F13A1: variants seen among roughly 807,000 people sequenced by gnomAD.
F13A1 encodes the protein FSF, A subunit.
In F13A1, 47 loss-of-function variants were observed where a neutral mutation model predicts 80.1. The ratio of observed to expected loss-of-function variants is 0.59; its 90% confidence interval spans 0.46 to 0.75. The LOEUF (loss-of-function observed/expected upper bound fraction) is 0.75. Ranked by LOEUF, F13A1 falls within the 30% of genes least tolerant of loss-of-function variation. F13A1 has a pLI of 0.00. For missense variants in F13A1, 817 were observed against 930.4 expected, an observed-to-expected ratio of 0.88 and a Z score of 1.59; for synonymous variants, 349 against 344.9, an observed-to-expected ratio of 1.01 and a Z score of -0.13.
At chr6:6,225,522 T>C (rs552907841) in intron 6 of F13A1, among the ~76,000 whole-genome samples, 15 of 151,322 alleles carry the variant, frequency 9.9e-5, no homozygotes, top group African/African-American at 3.7e-4. Context: ...CTCTCTTTCT[T>C]TCTAAGATAA....
chr6:6,271,142 T>C (rs1180063689), intron 3 of F13A1, among the ~76,000 whole-genome samples: 4 of 152,176 alleles, frequency 2.6e-5, no homozygotes, highest in Non-Finnish European at 5.9e-5. Context: ...TTCATATTCC[T>C]GTATGGGAAA....
intron 2 of F13A1, among the ~76,000 whole-genome samples, chr6:6,310,503 TTTA>T (rs941488018): frequency 1.3e-5 from 2 of 152,200 alleles, no homozygotes; most frequent in Non-Finnish European, 2.9e-5. Flanking sequence ...TTAATAAATG[TTTA>T]TTATTATTGT....
At chr6:6,245,484 A>C (rs981766756) in intron 6 of F13A1, among the ~76,000 whole-genome samples, 3 of 152,200 alleles carry the variant, frequency 2.0e-5, no homozygotes, top group Non-Finnish European at 4.4e-5. Context: ...TCGGCCTCCC[A>C]AAGTGCTGGG....
rs140808506 is a variant in F13A1, at chr6:6,302,120, C to A, written c.319+3231G>T. Among the ~76,000 whole-genome samples, 272 of 152,292 alleles carry A rather than the reference C, an allele frequency of 1.8e-3. 1 individual carries two copies. The highest frequency in any genetic ancestry group is 6.1e-3 in the African/African-American group (253 of 41,560). On this transcript the variant is annotated intron_variant, in intron 3 of 14. Transcript: ENST00000264870. ...TCCATTATCATAATTATTTTCTGAA[C>A]GGCCTATGAGAGTGTTTCAAACCTC...
At chr6:6,317,372 A>C (rs1185593975) in intron 2 of F13A1, among the ~76,000 whole-genome samples, 2 of 152,120 alleles carry the variant, frequency 1.3e-5, no homozygotes, top group Non-Finnish European at 2.9e-5. Flanking sequence ...TGGGAGACAG[A>C]TTTCAGAACT....
chr6:6,211,894 C>A (rs188213831), intron 8 of F13A1, among the ~76,000 whole-genome samples: 105 of 152,350 alleles, frequency 6.9e-4, no homozygotes, highest in Admixed American at 1.9e-3. Context: ...GAGTTCCCTT[C>A]CCGAGTCAAA....
chr6:6,199,494 G>GA (rs58442527), intron 8 of F13A1, among the ~76,000 whole-genome samples: 30,886 of 138,650 alleles, frequency 0.22, 3,496 homozygotes, highest in Middle Eastern at 0.32. Flanking sequence ...CTCCATCTCA[G>GA]AAAAAAAAAA....
chr6:6,228,033 A>C (rs1757300647), intron 6 of F13A1, among the ~76,000 whole-genome samples: 1 of 152,218 alleles, frequency 6.6e-6, no homozygotes, highest in African/African-American at 2.4e-5. Context: ...ATATGTTTGG[A>C]GGACATGTTT....
At chr6:6,259,116 C>T (rs956181283) in intron 4 of F13A1, among the ~76,000 whole-genome samples, 5 of 152,280 alleles carry the variant, frequency 3.3e-5, no homozygotes, top group South Asian at 2.1e-4. Context: ...ATAATACTGT[C>T]GTACTGTGCA....
chr6:6,166,984 C>T lies in F13A1; in HGVS notation c.1908+474G>A, dbSNP rs147088542. Among the ~76,000 whole-genome samples, 19 of 152,332 alleles carry T rather than the reference C, an allele frequency of 1.2e-4. No individual in the cohort carries two copies. The East Asian group carries it at 2.9e-3, about 23-fold the overall frequency. On this transcript the variant is annotated intron_variant, in intron 13 of 14. Coordinates refer to ENST00000264870, the MANE Select transcript of F13A1 (RefSeq NM_000129.4). ...TGTGGTTGCAAGGCACACGCACATA[C>T]AAAATCATCATCAAGCTGTATATTT...
At chr6:6,199,037 C>T (rs1761344074) in intron 8 of F13A1, among the ~76,000 whole-genome samples, 1 of 152,182 alleles carries the variant, frequency 6.6e-6, no homozygotes. Context: ...TGTGTTGTGG[C>T]TGGAGCATAG....
chr6:6,168,524 C>T (rs1242407478), intron 12 of F13A1, among the ~76,000 whole-genome samples: 1 of 152,236 alleles, frequency 6.6e-6, no homozygotes, highest in Admixed American at 6.5e-5. Flanking sequence ...CCTGTATGTG[C>T]CGACAGCTGG....
At position 6,318,690 on chromosome 6, in the gene F13A1, A is replaced by T; in HGVS notation, c.-18-8T>A. 6.5e-7 allele frequency: 1 copy of T among 1,532,198 alleles called. No individual in the cohort carries two copies. 94.9% of individuals were successfully genotyped at this position (1,532,198 alleles called of 1,614,324 possible). A position where few individuals can be genotyped will look rare whatever the true frequency, so the allele number is the denominator to read the frequency against. The stretch of plus-strand genomic sequence containing the variant: ...TTTTGACTTTACAAGGTCCTTCAGA[A>T]AAAAAAAAAAAAGAAGACAACAGAA... On this transcript the variant is annotated splice_polypyrimidine_tract_variant and splice_region_variant and intron_variant, in intron 1 of 14. Coordinates refer to ENST00000264870, the MANE Select transcript of F13A1 (RefSeq NM_000129.4).
intron 6 of F13A1, among the ~76,000 whole-genome samples, chr6:6,229,204 A>G (rs998574373): frequency 6.6e-6 from 1 of 152,226 alleles, no homozygotes; most frequent in Admixed American, 6.5e-5. Flanking sequence ...AAGAAACTGC[A>G]TGCAGAGGAA....
intron 6 of F13A1, 89 bp from the exon 7 acceptor site, chr6:6,224,949 T>C (rs1367849000): frequency 7.5e-7 from 1 of 1,334,492 alleles, no homozygotes; most frequent in Non-Finnish European, 1.1e-6. Context: ...ATGGCTGCCA[T>C]TGCCTTCTAT....
chr6:6,312,515 A>C (rs2755421), intron 2 of F13A1, among the ~76,000 whole-genome samples: 1 of 60,912 alleles, frequency 1.6e-5, no homozygotes, highest in Non-Finnish European at 3.0e-5. Flanking sequence ...ACTAAAAAAA[A>C]AAAAAAAGAA....
At chr6:6,234,287 G>C (rs1757388261) in intron 6 of F13A1, among the ~76,000 whole-genome samples, 1 of 152,070 alleles carries the variant, frequency 6.6e-6, no homozygotes, top group Non-Finnish European at 1.5e-5. Context: ...CAAATCATTA[G>C]CTCTTCTCTA....
chr6:6,290,443 T>C lies in F13A1; in HGVS notation c.319+14908A>G, dbSNP rs901598282. ...TTCTGCACCTTATTCAATGGTATTA[T>C]AAAAATAAAAATGTGGTAGGGTAGT... is the stretch of plus-strand genomic sequence containing the variant. On this transcript the variant is annotated intron_variant, in intron 3 of 14. Coordinates refer to ENST00000264870, the MANE Select transcript of F13A1 (RefSeq NM_000129.4). 4.6e-5 allele frequency among the ~76,000 whole-genome samples: 7 copies of C among 152,176 alleles called. No homozygotes were observed. In the East Asian group the frequency reaches 7.7e-4, roughly 17 times the overall value.
At chr6:6,181,387 T>A (rs924792678) in intron 11 of F13A1, among the ~76,000 whole-genome samples, 1 of 152,192 alleles carries the variant, frequency 6.6e-6, no homozygotes, top group African/African-American at 2.4e-5. Context: ...TTGATTGAGA[T>A]AGAATTAAAC....
Sources: gnomAD v4.1 joint callset for allele counts (sites outside exome capture counted in the v4.1 genomes callset) on GRCh38, gnomAD v4.1.1 for gene constraint, MANE v1.5 for transcripts, NCBI Gene and HGNC (gene_info 2026-07-23, HGNC 2026-07-21) for gene names.